The following FUT9 variants were observed in gnomAD, a reference collection of about 807,000 sequenced individuals.
The protein encoded by FUT9 is 4-galactosyl-N-acetylglucosaminide 3-alpha-L-fucosyltransferase 9.
FUT9 carries 15 observed loss-of-function variants against 29.7 expected under a neutral mutation model. The observed-to-expected ratio is 0.51, with a 90% CI of 0.34 to 0.78. The LOEUF (loss-of-function observed/expected upper bound fraction) is 0.78. FUT9 is among the 30% of genes least tolerant of loss of function. FUT9 has a pLI of 0.01. For missense variants in FUT9, 319 were observed against 425.4 expected (o/e 0.75, Z 2.20); for synonymous variants, 169 against 153.7 (o/e 1.10, Z -0.74).
intron 1 of FUT9, among the ~76,000 whole-genome samples, chr6:96,023,394 CT>C (rs146689561): frequency 0.012 from 1,832 of 151,996 alleles, 32 homozygotes; most frequent in African/African-American, 0.042. Context: ...TTCTAACTGG[CT>C]GATTAACAGG....
intron 2 of FUT9, among the ~76,000 whole-genome samples, chr6:96,122,097 T>C (rs1772039676): frequency 6.6e-6 from 1 of 152,170 alleles, no homozygotes; most frequent in South Asian, 2.1e-4. Flanking sequence ...TGCTATGATA[T>C]AACAGCTCTC....
intron 2 of FUT9, among the ~76,000 whole-genome samples, chr6:96,174,920 T>G (rs1773177038): frequency 6.6e-6 from 1 of 152,114 alleles, no homozygotes; most frequent in South Asian, 2.1e-4. Flanking sequence ...ATATGTGCAT[T>G]TAGAAAAAAT....
chr6:96,208,652 A>C lies in FUT9; in HGVS notation c.*4417A>C, dbSNP rs574376587. 66 of 166,878 alleles carry C rather than the reference A, an allele frequency of 4.0e-4. No homozygotes were observed. Among genetic ancestry groups the C allele is most frequent in the African/African-American group, 1.5e-3 (64 of 41,574 alleles). The allele number at this position is 166,878 out of a possible 1,614,324, so 10.3% of individuals were successfully genotyped here. A position where few individuals can be genotyped will look rare whatever the true frequency, so the allele number is the denominator to read the frequency against. On this transcript the variant is annotated 3_prime_UTR_variant, in exon 3 of 3. Transcript: ENST00000302103. ...GCATTTTAATTCCTTTCTATCTTAC[A>C]ACATTGTAAAGCATCAAAAGAAGTA...
intron 2 of FUT9, among the ~76,000 whole-genome samples, chr6:96,116,273 T>C (rs963235861): frequency 3.2e-4 from 49 of 152,128 alleles, no homozygotes; most frequent in African/African-American, 1.2e-3. Flanking sequence ...AATCTAACAA[T>C]ATCAAATATT....
intron 1 of FUT9, among the ~76,000 whole-genome samples, chr6:96,064,835 A>G (rs1250611642): frequency 1.3e-5 from 2 of 152,108 alleles, no homozygotes; most frequent in Non-Finnish European, 2.9e-5. Flanking sequence ...CTATTCTAGA[A>G]CTGAATGTCG....
At chr6:96,195,621 T>A (rs900899028) in intron 2 of FUT9, among the ~76,000 whole-genome samples, 6 of 152,194 alleles carry the variant, frequency 3.9e-5, no homozygotes, top group African/African-American at 1.4e-4. Context: ...AGCGCAGTGA[T>A]GAATATATAA....
chr6:96,069,950 A>G (rs1420353648), intron 1 of FUT9, among the ~76,000 whole-genome samples: 1 of 152,158 alleles, frequency 6.6e-6, no homozygotes, highest in Non-Finnish European at 1.5e-5. Context: ...AATTATTAAA[A>G]CACAGCTAAA....
At position 96,204,172 on chromosome 6, in the gene FUT9, T is replaced by A; in HGVS notation, c.1017T>A (p.Asp339Glu). Residue 339 changes from aspartate to glutamate, a missense_variant, in exon 3 of 3, where the codon GAT becomes GAA. Asp to Glu is a conservative substitution (Grantham distance 45). Transcript: ENST00000302103. ...FWESHACLAC[D>E]HVKRHQEYKS... ...AATCACATGCATGTTTGGCTTGCGA[T>A]CATGTGAAAAGGCATCAAGAATATA... 6.7e-7 allele frequency: 1 copy of A among 1,493,552 alleles called. No homozygotes were observed. Among genetic ancestry groups the A allele is most frequent in the East Asian group, 2.3e-5 (1 of 43,764 alleles). The allele number at this position is 1,493,552 out of a possible 1,614,324, so 92.5% of individuals were successfully genotyped here.
chr6:96,136,498 A>C (rs931530021), intron 2 of FUT9, among the ~76,000 whole-genome samples: 7 of 151,976 alleles, frequency 4.6e-5, no homozygotes, highest in Non-Finnish European at 1.5e-5. Flanking sequence ...TCCTTCTTGC[A>C]GTTATGAGCT....
At chr6:96,064,158 A>T (rs1049869927) in intron 1 of FUT9, among the ~76,000 whole-genome samples, 2 of 152,158 alleles carry the variant, frequency 1.3e-5, no homozygotes, top group African/African-American at 4.8e-5. Flanking sequence ...TTAGTGGATA[A>T]GTTGCTTGTT....
At chr6:96,134,131 G>T (rs1259367770) in intron 2 of FUT9, among the ~76,000 whole-genome samples, 2 of 151,672 alleles carry the variant, frequency 1.3e-5, no homozygotes, top group Admixed American at 1.3e-4. Flanking sequence ...TAATAAAATA[G>T]TTTTCTGTTG....
chr6:96,116,658 C>G (rs1325680934), intron 2 of FUT9, among the ~76,000 whole-genome samples: 2 of 152,112 alleles, frequency 1.3e-5, no homozygotes, highest in African/African-American at 4.8e-5. Context: ...TTTAGTGCAT[C>G]TTGCTAAGTG....
At chr6:96,100,113 C>T (rs1771561507) in intron 1 of FUT9, among the ~76,000 whole-genome samples, 1 of 151,932 alleles carries the variant, frequency 6.6e-6, no homozygotes, top group African/African-American at 2.4e-5. Context: ...GGAACATTTG[C>T]AATAGCAATG....
intron 1 of FUT9, among the ~76,000 whole-genome samples, chr6:96,068,895 G>C (rs1394250742): frequency 6.6e-6 from 1 of 152,096 alleles, no homozygotes; most frequent in African/African-American, 2.4e-5. Flanking sequence ...GTAAAATTGT[G>C]AAGTCAGATA....
intron 2 of FUT9, among the ~76,000 whole-genome samples, chr6:96,182,196 A>G (rs1408275432): frequency 6.6e-6 from 1 of 151,850 alleles, no homozygotes; most frequent in African/African-American, 2.4e-5. Flanking sequence ...GCATTTTTTC[A>G]TATGTTTATT....
chr6:96,043,164 G>A (rs1432241609), intron 1 of FUT9, among the ~76,000 whole-genome samples: 8 of 152,120 alleles, frequency 5.3e-5, no homozygotes, highest in Admixed American at 2.0e-4. Flanking sequence ...CCATTCTCCT[G>A]CCTCAGCCTC....
At chr6:96,049,625 C>T (rs1770629061) in intron 1 of FUT9, among the ~76,000 whole-genome samples, 1 of 152,142 alleles carries the variant, frequency 6.6e-6, no homozygotes, top group East Asian at 1.9e-4. Context: ...GAGAGATCTA[C>T]CAGACTCCCA....
At chr6:96,114,274 G>A (rs950446970) in intron 2 of FUT9, 147 bp downstream of exon 2, 12 of 152,006 alleles carry the variant, frequency 7.9e-5, no homozygotes, top group African/African-American at 2.4e-4. Context: ...TAGCTTCTAT[G>A]AGGAGATCTT....
Position 96,205,622 on chromosome 6 carries a change from G to A in FUT9, c.*1387G>A, listed in dbSNP as rs758508836. 1 of 166,790 alleles carries A rather than the reference G, an allele frequency of 6.0e-6. No individual in the cohort carries two copies. Among genetic ancestry groups the A allele is most frequent in the Non-Finnish European group, 1.5e-5 (1 of 68,080 alleles). The allele number at this position is 166,790 out of a possible 1,614,324, so 10.3% of individuals were successfully genotyped here. ...AAGGCTAGAGGAGAGCTGGATATAA[G>A]CAGAGATCGTAGGTGAAAAAAGATG... is the stretch of plus-strand genomic sequence containing the variant. On this transcript the variant is annotated 3_prime_UTR_variant, in exon 3 of 3. Coordinates refer to ENST00000302103, the MANE Select transcript of FUT9 (RefSeq NM_006581.4).
Sources: allele counts gnomAD v4.1 joint callset (sites outside exome capture counted in the v4.1 genomes callset), GRCh38; gene constraint gnomAD v4.1.1; transcripts MANE v1.5; gene names NCBI Gene and HGNC (gene_info 2026-07-23, HGNC 2026-07-21).